The following NBEA variants were observed in gnomAD, a reference collection of about 807,000 sequenced individuals.
The protein encoded by NBEA is lysosomal-trafficking regulator 2.
NBEA carries 44 observed loss-of-function variants against 343.4 expected under a neutral mutation model. The observed-to-expected ratio is 0.13, with a 90% CI of 0.10 to 0.16. The LOEUF is 0.16. NBEA is among the 10% of genes least tolerant of loss of function. The pLI is 1.00. For synonymous variants in NBEA, 1,175 were observed against 1,238.7 expected (o/e 0.95, Z 1.08); for missense variants, 2,555 against 3,631.3 (o/e 0.70, Z 7.62).
intron 47 of NBEA, among the ~76,000 whole-genome samples, chr13:35,601,779 A>AAT: frequency 1.4e-5 from 1 of 70,002 alleles, no homozygotes; most frequent in Non-Finnish European, 2.8e-5. Context: ...AAAAAAAAAA[A>AAT]AAAAAAGAAA....
At position 35,106,748 on chromosome 13, in the gene NBEA, G is replaced by T. The variant is rs114462728; in HGVS notation, c.1681-2542G>T. On this transcript the variant is annotated intron_variant, in intron 11 of 58. Transcript: ENST00000379939. ...TACCCAACAGCATTAATTGGTATGC[G>T]AAAACAATGGCCCCCTCCGCCTTTT... 6.4e-3 allele frequency among the ~76,000 whole-genome samples: 974 copies of T among 151,222 alleles called. 11 individuals are homozygous for T. Among genetic ancestry groups the T allele is most frequent in the African/African-American group, 0.023 (933 of 41,354 alleles).
At position 35,432,487 on chromosome 13, in the gene NBEA, A is replaced by G. The variant is rs575574282; in HGVS notation, c.6304+94A>G. 1,404 of 1,116,820 alleles carry G rather than the reference A, an allele frequency of 1.3e-3. 2 individuals are homozygous for G. The highest frequency in any genetic ancestry group is 1.5e-3 in the Non-Finnish European group (1,213 of 825,802). The allele number at this position is 1,116,820 out of a possible 1,614,324, so 69.2% of individuals were successfully genotyped here. On this transcript the variant is annotated intron_variant, in intron 39 of 58. Transcript: ENST00000379939. ...CTTCTTTTTTTTTCGCTAGTATTTA[A>G]TGTTCTCCATGTCTTGAGTCAGAAA...
intron 18 of NBEA, among the ~76,000 whole-genome samples, chr13:35,145,118 C>T (rs2068336706): frequency 6.6e-6 from 1 of 152,078 alleles, no homozygotes; most frequent in Non-Finnish European, 1.5e-5. Flanking sequence ...TGTGCAAACC[C>T]CTCTTTGTTC....
chr13:35,318,026 T>C (rs1218647745), intron 36 of NBEA, among the ~76,000 whole-genome samples: 1 of 152,204 alleles, frequency 6.6e-6, no homozygotes, highest in East Asian at 1.9e-4. Context: ...TTTCTAAATA[T>C]ATAATCATGT....
At chr13:35,422,072 C>T (rs188222892) in intron 38 of NBEA, among the ~76,000 whole-genome samples, 110 of 139,888 alleles carry the variant, frequency 7.9e-4, no homozygotes, top group Admixed American at 2.9e-3. Flanking sequence ...GAAAGTTTTC[C>T]GCCATTTTTT....
chr13:35,472,252 A>G, intron 40 of NBEA, 148 bp from the exon 41 acceptor site: 1 of 760,324 alleles, frequency 1.3e-6, no homozygotes, highest in South Asian at 2.2e-5. Flanking sequence ...AGTAGTCCTT[A>G]TCTTACGTGA....
intron 49 of NBEA, among the ~76,000 whole-genome samples, chr13:35,638,095 G>A (rs1204010334): frequency 6.6e-6 from 1 of 152,118 alleles, no homozygotes; most frequent in Non-Finnish European, 1.5e-5. Flanking sequence ...GTGGAATAGT[G>A]ACCCCCAGGG....
At chr13:34,982,865 GAA>G (rs1427173860) in intron 1 of NBEA, among the ~76,000 whole-genome samples, 4 of 151,996 alleles carry the variant, frequency 2.6e-5, no homozygotes, top group Non-Finnish European at 4.4e-5. Flanking sequence ...CAGTTATTGA[GAA>G]AGGGTCTTAA....
intron 28 of NBEA, among the ~76,000 whole-genome samples, chr13:35,178,436 A>C (rs2071065759): frequency 6.6e-6 from 1 of 151,738 alleles, no homozygotes. Context: ...TTCAGCCTTT[A>C]AGCATATATT....
intron 46 of NBEA, among the ~76,000 whole-genome samples, chr13:35,587,446 A>G (rs1476070047): frequency 6.6e-6 from 1 of 152,112 alleles, no homozygotes; most frequent in Non-Finnish European, 1.5e-5. Context: ...CGTCAATGAC[A>G]ATCATTGCCT....
chr13:35,139,263 G>A (rs985198953), intron 17 of NBEA, among the ~76,000 whole-genome samples: 3 of 151,810 alleles, frequency 2.0e-5, no homozygotes, highest in South Asian at 2.1e-4. Context: ...GTTTCACCAT[G>A]TTGGCCATGC....
chr13:35,251,197 C>A, intron 34 of NBEA: 1 of 255,254 alleles, frequency 3.9e-6, no homozygotes, highest in Non-Finnish European at 7.7e-6. Flanking sequence ...AGGGGACTCA[C>A]TTTCTCATCC....
At chr13:35,624,924 G>A (rs540044950) in intron 48 of NBEA, among the ~76,000 whole-genome samples, 13 of 151,962 alleles carry the variant, frequency 8.6e-5, no homozygotes, top group East Asian at 5.8e-4. Context: ...TTATGTCTTC[G>A]TTTCAAATAT....
chr13:35,290,724 A>G (rs1202391029), intron 35 of NBEA, among the ~76,000 whole-genome samples: 1 of 150,978 alleles, frequency 6.6e-6, no homozygotes, highest in Non-Finnish European at 1.5e-5. Flanking sequence ...CCTATCATAT[A>G]TATGTATATA....
intron 1 of NBEA, among the ~76,000 whole-genome samples, chr13:34,993,940 G>A (rs1022267123): frequency 5.3e-5 from 8 of 151,986 alleles, no homozygotes; most frequent in African/African-American, 1.7e-4. Flanking sequence ...GCTCATGCCC[G>A]TAATCCCAGC....
chr13:35,137,625 C>T lies in NBEA; in HGVS notation c.2337-4644C>T, dbSNP rs529445579. ...TTTCTTCTATCCTTCTTTATTCCCT[C>T]TTTCTTCCCTTCTCCTTTATTACCT... On this transcript the variant is annotated intron_variant, in intron 17 of 58. Coordinates refer to ENST00000379939, the MANE Select transcript of NBEA (RefSeq NM_001385012.1). Among the ~76,000 whole-genome samples the T allele has an allele frequency of 2.0e-5, 3 of 152,126 alleles. No individual in the cohort carries two copies. The East Asian group carries it at 5.8e-4, about 29-fold the overall frequency.
chr13:35,352,123 T>C (rs761971464), intron 37 of NBEA, 34 bp from the exon 38 acceptor site: 2 of 1,321,322 alleles, frequency 1.5e-6, no homozygotes, highest in East Asian at 5.8e-5. Flanking sequence ...CAGTAAAAAG[T>C]TTATTATTAT....
chr13:35,118,571 G>A, intron 16 of NBEA, 97 bp downstream of exon 16: 1 of 895,402 alleles, frequency 1.1e-6, no homozygotes, highest in Non-Finnish European at 1.7e-6. Flanking sequence ...AATAAATATA[G>A]CAAAGTCTTG....
chr13:35,016,717 A>T (rs2061672443), intron 1 of NBEA, among the ~76,000 whole-genome samples: 1 of 152,140 alleles, frequency 6.6e-6, no homozygotes, highest in South Asian at 2.1e-4. Context: ...TATCCAGAAT[A>T]ATGGAGACAT....
Sources: gnomAD v4.1 joint callset for allele counts (sites outside exome capture counted in the v4.1 genomes callset) on GRCh38, gnomAD v4.1.1 for gene constraint, MANE v1.5 for transcripts, NCBI Gene and HGNC (gene_info 2026-07-23, HGNC 2026-07-21) for gene names.